The following NBEAL2 variants were observed in gnomAD, a reference collection of about 807,000 sequenced individuals.
NBEAL2 encodes the protein neurobeachin like 2, also known as neurobeachin-like protein 2.
A neutral mutation model predicts 299.8 loss-of-function variants in NBEAL2; 160 were observed. The observed-to-expected ratio is 0.53, with a 90% confidence interval of 0.47 to 0.61. The LOEUF is 0.61. Among genes scored for constraint, NBEAL2 ranks in the 20% least tolerant of loss-of-function variants. The pLI is 0.00. For missense variants in NBEAL2, 3,112 were observed against 3,649.0 expected (o/e 0.85, Z 3.79); for synonymous variants, 1,493 against 1,542.3 (o/e 0.97, Z 0.75).
At chr3:46,983,200 G>A (rs1340790416) in intron 1 of NBEAL2, among the ~76,000 whole-genome samples, 4 of 151,950 alleles carry the variant, frequency 2.6e-5, no homozygotes, top group Non-Finnish European at 4.4e-5. Flanking sequence ...AGGCAACCTC[G>A]TCCTGCCTAC....
chr3:46,981,311 G>T (rs998306574), intron 1 of NBEAL2, among the ~76,000 whole-genome samples: 1 of 152,122 alleles, frequency 6.6e-6, no homozygotes, highest in Admixed American at 6.5e-5. Flanking sequence ...GCGTGGTGGG[G>T]TGTGCCTGTA....
Position 46,988,197 on chromosome 3 carries a change from A to G in NBEAL2, c.52-472A>G. ...TGTGTCCTGGGATCCACAGTTAAAG[A>G]AGGCTACTGAAGGTGGTGGCTGCTG... On this transcript the variant is annotated intron_variant, in intron 1 of 53. Transcript: ENST00000450053. This position sits in a 1 kb window ranked among gnomAD's most constrained non-coding sequence, Gnocchi z 4.4. The G allele has an allele frequency of 2.8e-6, 2 of 710,242 alleles. No individual in the cohort carries two copies. Among genetic ancestry groups the G allele is most frequent in the Non-Finnish European group, 3.8e-6 (2 of 520,666 alleles). 44.0% of individuals were successfully genotyped at this position (710,242 alleles called of 1,614,324 possible). A position where few individuals can be genotyped will look rare whatever the true frequency, so the allele number is the denominator to read the frequency against.
rs1248536540 is a variant in NBEAL2, at chr3:47,001,407, G to A, written c.4613G>A (p.Gly1538Asp). Reference protein sequence around the residue: ...RLLQDFLCAEGHGNQELWSEK... With the variant: ...RLLQDFLCAEDHGNQELWSEK... ...CTGCAGGACTTCCTGTGTGCTGAAG[G>A]CCATGGTAACCAGGAACTGTGGAGT... The change falls in exon 29 of 54, where the codon GGC becomes GAC. Residue 1538 changes from glycine (G) to aspartate (D), a missense_variant. Transcript: ENST00000450053. The surrounding 1 kb of genome is among the most constrained non-coding windows in gnomAD (Gnocchi z 6.1). The A allele has an allele frequency of 8.7e-6, 14 of 1,612,950 alleles. No homozygotes were observed. Among genetic ancestry groups the A allele is most frequent in the African/African-American group, 1.3e-5 (1 of 74,922 alleles).
Position 47,004,175 on chromosome 3 carries a change from G to C in NBEAL2, c.5980G>C (p.Asp1994His). Reference sequence around the variant, plus strand: ...TTCAGCACTTGAGCTCTTCTTTATCGATCAGGCCAACTACTTCCTCAACTT... The same window carrying C: ...TTCAGCACTTGAGCTCTTCTTTATCCATCAGGCCAACTACTTCCTCAACTT... ...RRSALELFFI[D>H]QANYFLNFPC... The change falls in exon 37 of 54, where the codon GAT (aspartate) becomes CAT (histidine). Residue 1994 changes from aspartate to histidine, a missense_variant. Physicochemically the swap from Asp to His is moderately conservative, Grantham distance 81 (BLOSUM62 -1). Around this residue, in one of 3 missense-constraint regions of NBEAL2, gnomAD observed 521 missense variants for 729.6 expected, o/e 0.71. Coordinates refer to ENST00000450053, the MANE Select transcript of NBEAL2 (RefSeq NM_015175.3). This position sits in a 1 kb window ranked among gnomAD's most constrained non-coding sequence, Gnocchi z 5.0. 1 of 1,613,708 alleles carries C rather than the reference G, an allele frequency of 6.2e-7. No individual in the cohort carries two copies. The highest frequency in any genetic ancestry group is 8.5e-7 in the Non-Finnish European group (1 of 1,179,792).
In NBEAL2 at chr3:46,989,307, T is replaced by A; in HGVS notation, c.399T>A (p.Asn133Lys). 3 of 1,605,774 alleles carry A rather than the reference T, an allele frequency of 1.9e-6. No individual in the cohort carries two copies. In the East Asian group the frequency reaches 6.7e-5, roughly 36 times the overall value. ...PPQGRGTQLE[N>K]VALHALLLCE... ...AGGGCCGAGGCACGCAGTTGGAGAATGTGGCCCTACATGCTCTGCTTCTCT... is the reference window on the plus strand; with the variant it reads ...AGGGCCGAGGCACGCAGTTGGAGAAAGTGGCCCTACATGCTCTGCTTCTCT... The change falls in exon 5 of 54, where the codon AAT (asparagine) becomes AAA (lysine). Residue 133 changes from asparagine (N) to lysine (K), a missense_variant. Physicochemically the swap from Asn to Lys is moderately conservative, Grantham distance 94. Coordinates refer to ENST00000450053, the MANE Select transcript of NBEAL2 (RefSeq NM_015175.3). The surrounding 1 kb of genome is among the most constrained non-coding windows in gnomAD (Gnocchi z 5.5).
chr3:46,997,521 G>T, intron 19 of NBEAL2, 40 bp from the exon 20 acceptor site: 1 of 1,584,568 alleles, frequency 6.3e-7, no homozygotes, highest in Non-Finnish European at 8.6e-7. Flanking sequence ...CCACTGGCAG[G>T]CCCTTGACAC....
chr3:46,997,533 C>T (rs1246339122), intron 19 of NBEAL2, 28 bp from the exon 20 acceptor site: 11 of 1,585,836 alleles, frequency 6.9e-6, no homozygotes, highest in Non-Finnish European at 9.5e-6. Context: ...CCTTGACACA[C>T]ATCTGTCCCC....
rs760265623 is a variant in NBEAL2 at position 46,999,011 on chromosome 3, A to G, written c.3437A>G (p.Gln1146Arg). 4.4e-6 allele frequency: 7 copies of G among 1,605,930 alleles called. No homozygotes were observed. The highest frequency in any genetic ancestry group is 5.9e-6 in the Non-Finnish European group (7 of 1,176,556). The change falls in exon 24 of 54, where the codon CAG becomes CGG. Residue 1146 changes from glutamine (Q) to arginine (R), a missense_variant. Gln to Arg is a conservative substitution (Grantham distance 43, BLOSUM62 1). This residue lies in a region of NBEAL2 where 2,243 missense variants were observed against 2,538.1 expected (regional missense o/e 0.88). Coordinates refer to ENST00000450053, the MANE Select transcript of NBEAL2 (RefSeq NM_015175.3). Reference protein sequence around the residue: ...LLALLHGSLVQESLAVFLLEP... With the variant: ...LLALLHGSLVRESLAVFLLEP... ...GCCCTGCTGCACGGTTCCCTGGTGCAGGAGTCCTTGGCTGTCTTTCTGTTG... is the reference window on the plus strand; with the variant it reads ...GCCCTGCTGCACGGTTCCCTGGTGCGGGAGTCCTTGGCTGTCTTTCTGTTG...
At chr3:47,002,314 G>A in intron 31 of NBEAL2, 26 bp downstream of exon 31, 1 of 1,590,938 alleles carries the variant, frequency 6.3e-7, no homozygotes, top group Non-Finnish European at 8.6e-7. Flanking sequence ...GGCCCAGGAA[G>A]AGGAGTGGGG....
In NBEAL2 at chr3:47,008,112, CT is replaced by C; in HGVS notation, c.7646del (p.Leu2549ArgfsTer8). Reference sequence around the variant, plus strand: ...CCTGGCACCAAAGCCTGTGCAGGTCCTGTATGGGCATGGGGCTGCAGTGAGC... The same window carrying C: ...CCTGGCACCAAAGCCTGTGCAGGTCCGTATGGGCATGGGGCTGCAGTGAGC... Reference protein sequence around the residue: ...VGLAPKPVQVLYGHGAAVSCV... With the variant: ...VGLAPKPVQVXYGHGAAVSCV... On this transcript the variant is annotated frameshift_variant, in exon 50 of 54. Coordinates refer to ENST00000450053, the MANE Select transcript of NBEAL2 (RefSeq NM_015175.3). LOFTEE classifies it high-confidence loss of function. 1 of 1,614,022 alleles carries C rather than the reference CT, an allele frequency of 6.2e-7. No individual in the cohort carries two copies. The highest frequency in any genetic ancestry group is 8.5e-7 in the Non-Finnish European group (1 of 1,179,888).
chr3:46,995,512 C>T lies in NBEAL2; in HGVS notation c.1777C>T (p.Pro593Ser). ...LTPSMAGIMV[P>S]PVQRWPGPGF... ...GCCCAGCATGGCGGGCATCATGGTA[C>T]CCCCTGTACAGCGATGGCCAGGGCC... is the stretch of plus-strand genomic sequence containing the variant. Residue 593 changes from proline to serine, a missense_variant, in exon 13 of 54, where the codon CCC (proline) becomes TCC (serine). Around this residue, in one of 3 missense-constraint regions of NBEAL2, gnomAD observed 2,243 missense variants for 2,538.1 expected, o/e 0.88. Transcript: ENST00000450053. 3 of 1,612,882 alleles carry T rather than the reference C, an allele frequency of 1.9e-6. No individual in the cohort carries two copies. Among genetic ancestry groups the T allele is most frequent in the Non-Finnish European group, 2.5e-6 (3 of 1,179,888 alleles).
At position 47,004,157 on chromosome 3, in the gene NBEAL2, C is replaced by T; in HGVS notation, c.5962C>T (p.Leu1988Phe). 6.2e-7 allele frequency: 1 copy of T among 1,613,812 alleles called. No individual in the cohort carries two copies. The highest frequency in any genetic ancestry group is 8.5e-7 in the Non-Finnish European group (1 of 1,179,818). The change falls in exon 37 of 54, where the codon CTT (leucine) becomes TTT (phenylalanine). Residue 1988 changes from leucine to phenylalanine, a missense_variant. Physicochemically the swap from Leu to Phe is conservative, Grantham distance 22. Coordinates refer to ENST00000450053, the MANE Select transcript of NBEAL2 (RefSeq NM_015175.3). The surrounding 1 kb of genome is among the most constrained non-coding windows in gnomAD (Gnocchi z 5.0). ...GCGTTTCAACCTGCGCCGTTCAGCA[C>T]TTGAGCTCTTCTTTATCGATCAGGC... ...LRRFNLRRSA[L>F]ELFFIDQANY...
chr3:46,998,835 C>A lies in NBEAL2; in HGVS notation c.3340C>A (p.Gln1114Lys). The A allele has an allele frequency of 1.3e-6, 2 of 1,578,588 alleles. No individual in the cohort carries two copies. The highest frequency in any genetic ancestry group is 8.6e-7 in the Non-Finnish European group (1 of 1,162,500). Residue 1114 changes from glutamine to lysine, a missense_variant, in exon 23 of 54, where the codon CAG (glutamine) becomes AAG (lysine). Coordinates refer to ENST00000450053, the MANE Select transcript of NBEAL2 (RefSeq NM_015175.3). Reference sequence around the variant, plus strand: ...CTCAGCAGATGACGTGCAGGTCACGCAGACCATGCTGAGCTTTTTGGCGGC... The same window carrying A: ...CTCAGCAGATGACGTGCAGGTCACGAAGACCATGCTGAGCTTTTTGGCGGC... Reference protein sequence around the residue: ...SLSADDVQVTQTMLSFLAATG... With the variant: ...SLSADDVQVTKTMLSFLAATG...
chr3:47,001,375 G>C lies in NBEAL2; in HGVS notation c.4581G>C (p.Leu1527=). The C allele has an allele frequency of 6.2e-7, 1 of 1,613,288 alleles. No homozygotes were observed. Among genetic ancestry groups the C allele is most frequent in the African/African-American group, 1.3e-5 (1 of 75,060 alleles). ...TCACCCAGCAAGCGCTTTGGCTGCT[G>C]CGTCTGCTGCAGGACTTCCTGTGTG... ...ASLTQQALWL[L]RLLQDFLCAE... Residue 1527 remains leucine (L), a synonymous_variant, in exon 29 of 54, where the codon CTG becomes CTC. Transcript: ENST00000450053. This position sits in a 1 kb window ranked among gnomAD's most constrained non-coding sequence, Gnocchi z 6.1.
rs900966116 is a variant in NBEAL2 at position 46,989,610 on chromosome 3, G to T, written c.556+17G>T. On this transcript the variant is annotated intron_variant, in intron 6 of 53. Transcript: ENST00000450053. This position sits in a 1 kb window ranked among gnomAD's most constrained non-coding sequence, Gnocchi z 5.5. Reference sequence around the variant, plus strand: ...TCTTCCAAGGTCAGGCCCCGCCCCTGCCCCCACTTGGCTCCACCCCCAAAC... The same window carrying T: ...TCTTCCAAGGTCAGGCCCCGCCCCTTCCCCCACTTGGCTCCACCCCCAAAC... 1.3e-6 allele frequency: 2 copies of T among 1,564,074 alleles called. No homozygotes were observed. The highest frequency in any genetic ancestry group is 1.2e-5 in the South Asian group (1 of 85,084).
In NBEAL2 at chr3:47,001,361, G is replaced by A. The variant is rs772732481; in HGVS notation, c.4567G>A (p.Ala1523Thr). The A allele has an allele frequency of 1.2e-6, 2 of 1,613,378 alleles. No individual in the cohort carries two copies. Among genetic ancestry groups the A allele is most frequent in the Non-Finnish European group, 1.7e-6 (2 of 1,179,884 alleles). The change falls in exon 29 of 54, where the codon GCG becomes ACG. Residue 1523 changes from alanine (A) to threonine (T), a missense_variant. Physicochemically the swap from Ala to Thr is moderately conservative, Grantham distance 58. This residue lies in a region of NBEAL2 where 2,243 missense variants were observed against 2,538.1 expected (regional missense o/e 0.88). Transcript: ENST00000450053. This position sits in a 1 kb window ranked among gnomAD's most constrained non-coding sequence, Gnocchi z 6.1. Reference protein sequence around the residue: ...VGVLASLTQQALWLLRLLQDF... With the variant: ...VGVLASLTQQTLWLLRLLQDF... ...GGTCCTGGCCAGCCTCACCCAGCAA[G>A]CGCTTTGGCTGCTGCGTCTGCTGCA...
In NBEAL2 at chr3:46,996,776, G is replaced by T; in HGVS notation, c.2499G>T (p.Lys833Asn). ...GGCCCAATGAGACGGCACCCTTCAA[G>T]CCTGAGGGGGAGCTGCATGAGCTCA... ...TLGPNETAPF[K>N]PEGELHELST... is the part of the protein sequence containing the mutation. The change falls in exon 17 of 54, where the codon AAG (lysine) becomes AAT (asparagine). Residue 833 changes from lysine to asparagine, a missense_variant. By Grantham distance (94) the Lys-to-Asn change is moderately conservative (BLOSUM62 0). This residue lies in a region of NBEAL2 where 2,243 missense variants were observed against 2,538.1 expected (regional missense o/e 0.88). Transcript: ENST00000450053. 1 of 1,612,596 alleles carries T rather than the reference G, an allele frequency of 6.2e-7. No homozygotes were observed. The highest frequency in any genetic ancestry group is 8.5e-7 in the Non-Finnish European group (1 of 1,179,794).
Position 46,999,102 on chromosome 3 carries a change from C to T in NBEAL2, c.3528C>T (p.Pro1176=), listed in dbSNP as rs200798555. The T allele has an allele frequency of 5.1e-6, 8 of 1,582,790 alleles. No individual in the cohort carries two copies. The highest frequency in any genetic ancestry group is 4.7e-5 in the East Asian group (2 of 42,682). ...LVRPGSLPLL[P]DRVCKILRRL... ...GGCCAGGGTCACTGCCCCTGCTGCC[C>T]GATCGAGTCTGCAAGGTACACCCAG... Residue 1176 remains proline, a synonymous_variant, in exon 24 of 54, where the codon CCC becomes CCT. Coordinates refer to ENST00000450053, the MANE Select transcript of NBEAL2 (RefSeq NM_015175.3).
At chr3:46,994,730 G>A (rs1018238939) in intron 12 of NBEAL2, among the ~76,000 whole-genome samples, 177 bp downstream of exon 12, 1 of 152,196 alleles carries the variant, frequency 6.6e-6, no homozygotes, top group Non-Finnish European at 1.5e-5. Context: ...GGCCCTGTAG[G>A]GGTCCTGGAA....
Sources: allele counts gnomAD v4.1 joint callset (sites outside exome capture counted in the v4.1 genomes callset), GRCh38; gene constraint gnomAD v4.1.1; regional missense constraint gnomAD v4.1.1; non-coding constraint Gnocchi (gnomAD v3.1); transcripts MANE v1.5; gene names NCBI Gene and HGNC (gene_info 2026-07-23, HGNC 2026-07-21).